Variants in GNAI2 observed in about 807,000 individuals in gnomAD.
GNAI2 encodes G protein subunit alpha i2.
A neutral mutation model predicts 36.8 loss-of-function variants in GNAI2; 4 were observed. The observed-to-expected ratio is 0.11, with a 90% CI of 0.05 to 0.25. The LOEUF is 0.25. Among genes scored for constraint, GNAI2 ranks in the 10% least tolerant of loss-of-function variants. GNAI2 has a pLI of 1.00. For synonymous variants in GNAI2, 194 were observed against 194.1 expected (o/e 1.00, Z 0.01); for missense variants, 230 against 481.3 (o/e 0.48, Z 4.89).
At chr3:50,244,020 C>T (rs1276685654) in intron 1 of GNAI2, among the ~76,000 whole-genome samples, 1 of 149,754 alleles carries the variant, frequency 6.7e-6, no homozygotes, top group Admixed American at 6.8e-5. Flanking sequence ...GGACCCCCTC[C>T]ACTCCTTTTT....
upstream of GNAI2, among the ~76,000 whole-genome samples, chr3:50,234,019 C>T (rs1553700028): frequency 6.7e-6 from 1 of 150,224 alleles, no homozygotes; most frequent in Admixed American, 6.6e-5. Context: ...TTTCAGCCTC[C>T]TGAGTAACCA....
rs1172021364 is a variant in GNAI2 at position 50,253,860 on chromosome 3, G to A, written c.464+676G>A. Among the ~76,000 whole-genome samples, 1 of 152,178 alleles carries A rather than the reference G, an allele frequency of 6.6e-6. No individual in the cohort carries two copies. The highest frequency in any genetic ancestry group is 1.5e-5 in the Non-Finnish European group (1 of 68,026). On this transcript the variant is annotated intron_variant, in intron 4 of 8. Transcript: ENST00000313601. The surrounding 1 kb of genome is among the most constrained non-coding windows in gnomAD (Gnocchi z 4.2). The stretch of plus-strand genomic sequence containing the variant: ...AAGGTAGAGGTGGAGTTGGCCCAGA[G>A]ACAGGATTGCTGAGCTCTGAAGGAG...
At chr3:50,245,632 C>T (rs1700398696) in intron 1 of GNAI2, among the ~76,000 whole-genome samples, 2 of 152,246 alleles carry the variant, frequency 1.3e-5, no homozygotes, top group Admixed American at 6.5e-5. Flanking sequence ...CCTCCTGGCT[C>T]CTGCACAGGC....
chr3:50,240,189 G>A (rs1364242415), intron 1 of GNAI2, among the ~76,000 whole-genome samples: 1 of 152,200 alleles, frequency 6.6e-6, no homozygotes, highest in Non-Finnish European at 1.5e-5. Context: ...CAGATAGGAA[G>A]GGTTAGCTTG....
chr3:50,256,188 C>CCCCGAA lies in GNAI2; in HGVS notation c.465-3_465-2insCCGAAC. ...CCACTGACCCTCCCACCCCCCATCC[C>CCCCGAA]CAGCTACCTGAACGACCTGGAGCGT... On this transcript the variant is annotated splice_region_variant and splice_polypyrimidine_tract_variant and intron_variant, in intron 4 of 8. Coordinates refer to ENST00000313601, the MANE Select transcript of GNAI2 (RefSeq NM_002070.4). 1 of 1,575,942 alleles carries CCCCGAA rather than the reference C, an allele frequency of 6.3e-7. No homozygotes were observed.
At position 50,253,304 on chromosome 3, in the gene GNAI2, A is replaced by G; in HGVS notation, c.464+120A>G. On this transcript the variant is annotated intron_variant, in intron 4 of 8. Coordinates refer to ENST00000313601, the MANE Select transcript of GNAI2 (RefSeq NM_002070.4). The surrounding 1 kb of genome is among the most constrained non-coding windows in gnomAD (Gnocchi z 4.2). ...CTGGTCTTTGCTTATGAAACCGATG[A>G]CTGTTAACCAAGGCCTTCCTGTTTT... 1 of 654,654 alleles carries G rather than the reference A, an allele frequency of 1.5e-6. No individual in the cohort carries two copies. The highest frequency in any genetic ancestry group is 2.4e-6 in the Non-Finnish European group (1 of 417,194). The allele number at this position is 654,654 out of a possible 1,614,324, so 40.6% of individuals were successfully genotyped here.
At chr3:50,251,911 A>G (rs1448120091) in intron 1 of GNAI2, 189 bp from the exon 2 acceptor site, 9 of 933,820 alleles carry the variant, frequency 9.6e-6, no homozygotes, top group Non-Finnish European at 1.4e-5. Context: ...GGTTACCTTG[A>G]CCACTGTGGC....
At chr3:50,249,273 T>C (rs1700492798) in intron 1 of GNAI2, among the ~76,000 whole-genome samples, 1 of 152,168 alleles carries the variant, frequency 6.6e-6, no homozygotes, top group Non-Finnish European at 1.5e-5. Flanking sequence ...TTCCTCCTGC[T>C]CTGGAGGAGC....
chr3:50,233,892 C>CTT (rs11313623), upstream of GNAI2, among the ~76,000 whole-genome samples: 85 of 110,196 alleles, frequency 7.7e-4, no homozygotes, highest in Non-Finnish European at 1.2e-3. Context: ...TAACAAGGTT[C>CTT]TTTTTTTTTT....
chr3:50,249,277 G>A (rs1700492989), intron 1 of GNAI2, among the ~76,000 whole-genome samples: 1 of 152,174 alleles, frequency 6.6e-6, no homozygotes, highest in Non-Finnish European at 1.5e-5. Context: ...TCCTGCTCTG[G>A]AGGAGCCAGT....
At chr3:50,233,278 C>G (rs1002699428), upstream of GNAI2, among the ~76,000 whole-genome samples, 6 of 152,158 alleles carry the variant, frequency 3.9e-5, no homozygotes, top group Non-Finnish European at 7.4e-5. Flanking sequence ...GAAGGCCATG[C>G]CTTCCAGTAG....
rs782026113 is a variant in GNAI2, at chr3:50,256,178, C to T, written c.465-14C>T. The T allele has an allele frequency of 2.8e-6, 4 of 1,404,700 alleles. No homozygotes were observed. Among genetic ancestry groups the T allele is most frequent in the East Asian group, 2.4e-5 (1 of 41,078 alleles). The allele number at this position is 1,404,700 out of a possible 1,614,324, so 87.0% of individuals were successfully genotyped here. On this transcript the variant is annotated splice_polypyrimidine_tract_variant and intron_variant, in intron 4 of 8. Transcript: ENST00000313601. Reference sequence around the variant, plus strand: ...ATGCTGGCCCCCACTGACCCTCCCACCCCCCATCCCCAGCTACCTGAACGA... The same window carrying T: ...ATGCTGGCCCCCACTGACCCTCCCATCCCCCATCCCCAGCTACCTGAACGA...
chr3:50,240,307 C>T (rs931139513), intron 1 of GNAI2, among the ~76,000 whole-genome samples: 3 of 152,138 alleles, frequency 2.0e-5, no homozygotes, highest in Admixed American at 6.6e-5. Flanking sequence ...ATACCATTTG[C>T]CAGGGCCAGG....
At chr3:50,256,533 TG>T in intron 5 of GNAI2, 189 bp from the exon 6 acceptor site, 1 of 716,524 alleles carries the variant, frequency 1.4e-6, no homozygotes, top group East Asian at 2.7e-5. Flanking sequence ...CTGCCTGATG[TG>T]GCTGCAGCCT....
chr3:50,233,657 G>A (rs1480574199), upstream of GNAI2, among the ~76,000 whole-genome samples: 2 of 152,188 alleles, frequency 1.3e-5, no homozygotes, highest in Non-Finnish European at 2.9e-5. Context: ...GACATTATGT[G>A]TCCTCAACAT....
chr3:50,253,998 T>A lies in GNAI2; in HGVS notation c.464+814T>A, dbSNP rs587605609. Among the ~76,000 whole-genome samples, 1 of 151,830 alleles carries A rather than the reference T, an allele frequency of 6.6e-6. No homozygotes were observed. The highest frequency in any genetic ancestry group is 2.1e-4 in the South Asian group (1 of 4,804). On this transcript the variant is annotated intron_variant, in intron 4 of 8. Transcript: ENST00000313601. This position sits in a 1 kb window ranked among gnomAD's most constrained non-coding sequence, Gnocchi z 4.2. ...TTGAACATAGGCTGTGGAGGCTGGC[T>A]GGAGGGGGCCACAGGGGAGGAAGTT...
chr3:50,237,085 A>C (rs1700190913), intron 1 of GNAI2, among the ~76,000 whole-genome samples: 1 of 152,190 alleles, frequency 6.6e-6, no homozygotes, highest in African/African-American at 2.4e-5. Flanking sequence ...CCTTCTCTGC[A>C]GGCATCACTC....
intron 1 of GNAI2, among the ~76,000 whole-genome samples, chr3:50,251,057 T>C (rs953278512): frequency 6.6e-6 from 1 of 152,128 alleles, no homozygotes; most frequent in East Asian, 1.9e-4. Flanking sequence ...GTGATCCACC[T>C]GCCTCAGCCT....
chr3:50,243,979 A>G (rs1195478973), intron 1 of GNAI2, among the ~76,000 whole-genome samples: 1 of 147,532 alleles, frequency 6.8e-6, no homozygotes, highest in East Asian at 2.0e-4. Flanking sequence ...GACTCTGTGT[A>G]TGAAGCTTTC....
Sources: gnomAD v4.1 joint callset for allele counts (sites outside exome capture counted in the v4.1 genomes callset) on GRCh38, gnomAD v4.1.1 for gene constraint, Gnocchi (gnomAD v3.1) non-coding constraint, MANE v1.5 for transcripts, NCBI Gene and HGNC (gene_info 2026-07-23, HGNC 2026-07-21) for gene names.